The following TOMT variants were observed in gnomAD, a reference collection of about 807,000 sequenced individuals.
The protein encoded by TOMT is transmembrane O-methyltransferase.
In TOMT, 23 loss-of-function variants were observed where a neutral mutation model predicts 21.7. That is an observed-to-expected ratio of 1.06 (90% confidence interval 0.76 to 1.50). TOMT has a LOEUF of 1.50. Among genes scored for constraint, TOMT ranks in the 40% most tolerant of loss-of-function variants. The probability of loss-of-function intolerance (pLI) is 0.00; values close to 1 mark genes in which losing one functional copy is unlikely to be tolerated. For synonymous variants in TOMT, 132 were observed against 150.8 expected (o/e 0.88, Z 0.91); for missense variants, 331 against 348.7 (o/e 0.95, Z 0.41).
intron 1 of TOMT, chr11:72,107,671 C>A (rs566048759): frequency 1.3e-5 from 8 of 617,538 alleles, no homozygotes; most frequent in African/African-American, 1.3e-4. Context: ...CAAGTTCAAT[C>A]CCAAAGGCCT....
chr11:72,106,126 C>G, exon 1 of TOMT: 2 of 1,544,916 alleles, frequency 1.3e-6, no homozygotes, highest in African/African-American at 1.4e-5. Context: ...CCATGCCCTG[C>G]CCGGTGACCC....
chr11:72,105,971 T>C (rs1419667630), exon 1 of TOMT: 2 of 1,549,836 alleles, frequency 1.3e-6, no homozygotes, highest in Middle Eastern at 2.0e-4. Context: ...GCCATTGCAT[T>C]GGCCTTCCTG....
intron 2 of TOMT, 44 bp from the exon 3 acceptor site, chr11:72,108,561 A>G (rs1234176218): frequency 7.7e-6 from 11 of 1,425,840 alleles, no homozygotes; most frequent in Non-Finnish European, 1.0e-5. Flanking sequence ...GACTGGGAGA[A>G]CAATTCCCCC....
At chr11:72,108,227 G>A in intron 2 of TOMT, 108 bp downstream of exon 2, 2 of 999,790 alleles carry the variant, frequency 2.0e-6, no homozygotes, top group Non-Finnish European at 1.4e-6. Flanking sequence ...CTCCACTCTG[G>A]GGACTGTGAT....
chr11:72,108,978 G>T lies in TOMT; in HGVS notation c.*53G>T, dbSNP rs1591194812. The stretch of plus-strand genomic sequence containing the variant: ...GCCCACCCCCACCCCCACCCAAGCA[G>T]GGACCTCAAAATCCCCTCCCTTTCC... On this transcript the variant is annotated 3_prime_UTR_variant, in exon 3 of 3. Coordinates refer to ENST00000541899, the Ensembl canonical transcript of TOMT. 3.5e-6 allele frequency: 5 copies of T among 1,409,076 alleles called. No homozygotes were observed. In the East Asian group the frequency reaches 1.3e-4, roughly 36 times the overall value. 87.3% of individuals were successfully genotyped at this position (1,409,076 alleles called of 1,614,324 possible).
exon 3 of TOMT, chr11:72,108,888 A>C: frequency 3.9e-6 from 6 of 1,549,592 alleles, no homozygotes; most frequent in Non-Finnish European, 5.2e-6. Flanking sequence ...GCCATCAAGG[A>C]TGGAATAGCT....
intron 1 of TOMT, chr11:72,107,645 G>A (rs779200548): frequency 3.8e-5 from 24 of 623,580 alleles, no homozygotes; most frequent in Non-Finnish European, 5.5e-5. Flanking sequence ...GGTCCTGAAT[G>A]CCAGGCTGAG....
chr11:72,108,128 C>T lies in TOMT; in HGVS notation c.456+9C>T. 1 of 1,485,600 alleles carries T rather than the reference C, an allele frequency of 6.7e-7. No individual in the cohort carries two copies. The highest frequency in any genetic ancestry group is 1.4e-5 in the African/African-American group (1 of 71,238). 92.0% of individuals were successfully genotyped at this position (1,485,600 alleles called of 1,614,324 possible). A position where few individuals can be genotyped will look rare whatever the true frequency, so the allele number is the denominator to read the frequency against. On this transcript the variant is annotated intron_variant, in intron 2 of 2. Transcript: ENST00000541899. ...GCTTTGATGAGCACATGGTCAGCCT[C>T]CCATCTCCCCAACCCAGATTTTTGT...
exon 1 of TOMT, chr11:72,106,054 A>G: frequency 6.4e-7 from 1 of 1,550,812 alleles, no homozygotes. Flanking sequence ...CTTGCTGCGA[A>G]GCCTCCGAGA....
downstream of TOMT, chr11:72,109,483 C>T: frequency 2.6e-6 from 1 of 388,784 alleles, no homozygotes. Context: ...GCCCACCTAG[C>T]CAATTAGGTG....
intron 1 of TOMT, chr11:72,106,454 TG>T (rs1360451947): frequency 2.5e-6 from 1 of 406,412 alleles, no homozygotes; most frequent in African/African-American, 2.0e-5. Context: ...GCCACAGAGA[TG>T]AATGAGCCAC....
Position 72,108,601 on chromosome 11 carries a change from A to G in TOMT, c.457-4A>G. 6 of 1,448,696 alleles carry G rather than the reference A, an allele frequency of 4.1e-6. No individual in the cohort carries two copies. The highest frequency in any genetic ancestry group is 5.5e-6 in the Non-Finnish European group (6 of 1,095,216). The allele number at this position is 1,448,696 out of a possible 1,614,324, so 89.7% of individuals were successfully genotyped here. A position where few individuals can be genotyped will look rare whatever the true frequency, so the allele number is the denominator to read the frequency against. ...CTCACCTCCAGCTCCCCCTATCCCCACAGGTGGAGCTCATCGTGGGCAGCT... is the reference window on the plus strand; with the variant it reads ...CTCACCTCCAGCTCCCCCTATCCCCGCAGGTGGAGCTCATCGTGGGCAGCT... On this transcript the variant is annotated splice_polypyrimidine_tract_variant and splice_region_variant and intron_variant, in intron 2 of 2. Transcript: ENST00000541899.
At chr11:72,108,521 A>G (rs1260870089) in intron 2 of TOMT, 84 bp from the exon 3 acceptor site, 9 of 1,253,200 alleles carry the variant, frequency 7.2e-6, no homozygotes, top group Non-Finnish European at 9.6e-6. Context: ...AGGACCTGGC[A>G]TGAAGTAAGC....
rs572570513 is a variant in TOMT, at chr11:72,107,938, G to C, written c.275G>C (p.Arg92Pro). Residue 92 changes from arginine to proline, a missense_variant, in exon 2 of 3, where the codon CGG (arginine) becomes CCG (proline). Transcript: ENST00000541899. ...CCCCTCATAGGTCAGATCCTGATGC[G>C]GCTGGTGGAGGAGAAGGCCCCTGCT... 3 of 1,551,532 alleles carry C rather than the reference G, an allele frequency of 1.9e-6. No individual in the cohort carries two copies. The Admixed American group carries it at 5.9e-5, about 30-fold the overall frequency.
At chr11:72,108,245 G>T in intron 2 of TOMT, 126 bp downstream of exon 2, 1 of 829,496 alleles carries the variant, frequency 1.2e-6, no homozygotes. Flanking sequence ...GATGCTGGAT[G>T]GTGTGTGAGC....
At chr11:72,106,154 C>T (rs967095444) in exon 1 of TOMT, 1 of 1,530,174 alleles carries the variant, frequency 6.5e-7, no homozygotes, top group African/African-American at 1.4e-5. Context: ...ATCCTCACCA[C>T]CCTGGACCAC....
chr11:72,105,961 G>A, exon 1 of TOMT: 1 of 1,548,956 alleles, frequency 6.5e-7, no homozygotes, highest in South Asian at 1.2e-5. Context: ...CATGTCCCCT[G>A]CCATTGCATT....
At chr11:72,108,705 G>T in exon 3 of TOMT, 1 of 1,548,764 alleles carries the variant, frequency 6.5e-7, no homozygotes, top group Non-Finnish European at 8.7e-7. Flanking sequence ...CACCGGCCAC[G>T]ATGTTACCTG....
chr11:72,109,433 G>C (rs140497216), downstream of TOMT: 3,397 of 438,406 alleles, frequency 7.7e-3, 120 homozygotes, highest in African/African-American at 0.064. Context: ...ACAGAACCCT[G>C]GACCCAGGGC....
Sources: allele counts gnomAD v4.1 joint callset, GRCh38; gene constraint gnomAD v4.1.1; transcripts MANE v1.5; gene names NCBI Gene and HGNC (gene_info 2026-07-23, HGNC 2026-07-21).